Variants in MRPL14 observed in about 807,000 individuals in gnomAD.
MRPL14 encodes the protein mitochondrial ribosomal protein L14, also known as large ribosomal subunit protein uL14m.
In MRPL14, 8 loss-of-function variants were observed where a neutral mutation model predicts 10.9. That is an observed-to-expected ratio of 0.74 (90% CI 0.43 to 1.33). The LOEUF (loss-of-function observed/expected upper bound fraction) is 1.33, where lower values mean the gene tolerates loss of function less well. MRPL14 is among the 40% of genes most tolerant of loss of function. The pLI, the probability that MRPL14 is intolerant of heterozygous loss-of-function variation, is 0.01. For synonymous variants in MRPL14, 82 were observed against 74.1 expected, an observed-to-expected ratio of 1.11 and a Z score of -0.54; for missense variants, 179 against 194.5, an observed-to-expected ratio of 0.92 and a Z score of 0.47.
At chr6:44,116,755 CTTAGTGGTTAAAGGATACACAGAT>C (rs1775889591) in intron 1 of MRPL14, 126 bp from the exon 2 acceptor site, 1 of 664,052 alleles carries the variant, frequency 1.5e-6, no homozygotes, top group African/African-American at 1.8e-5. Flanking sequence ...AAATATAAAT[CTTAGTGGTTAAAGGATACACAGAT>C]GATTAGACAG....
At position 44,113,823 on chromosome 6, in the gene MRPL14, A is replaced by C. The variant is rs771566155; in HGVS notation, c.*20T>G. 2.6e-6 allele frequency: 4 copies of C among 1,531,596 alleles called. No homozygotes were observed. Among genetic ancestry groups the C allele is most frequent in the Non-Finnish European group, 3.5e-6 (4 of 1,137,546 alleles). 94.9% of individuals were successfully genotyped at this position (1,531,596 alleles called of 1,614,324 possible). A position where few individuals can be genotyped will look rare whatever the true frequency, so the allele number is the denominator to read the frequency against. The stretch of plus-strand genomic sequence containing the variant: ...AACTGCTCCATTCACGAGTCCTGCA[A>C]CCAGAGGCCTGGGCTCAACTCACAC... On this transcript the variant is annotated 3_prime_UTR_variant, in exon 3 of 3. Coordinates refer to ENST00000372014, the MANE Select transcript of MRPL14 (RefSeq NM_032111.4).
chr6:44,118,879 G>A (rs943924556), intron 1 of MRPL14, among the ~76,000 whole-genome samples: 2 of 152,106 alleles, frequency 1.3e-5, no homozygotes, highest in Non-Finnish European at 2.9e-5. Flanking sequence ...CAGGAGAATC[G>A]CTTGAATCCA....
In MRPL14 at chr6:44,116,628, T is replaced by C. The variant is rs1228280400; in HGVS notation, c.-17A>G. 2.5e-6 allele frequency: 4 copies of C among 1,612,798 alleles called. No homozygotes were observed. Among genetic ancestry groups the C allele is most frequent in the Non-Finnish European group, 3.4e-6 (4 of 1,179,084 alleles). ...GAAAGCCATGGGATCCCAAGATAGA[T>C]CCTGCAGGAAAAACGAGAGGGGGAA... On this transcript the variant is annotated splice_region_variant and 5_prime_UTR_variant, in exon 2 of 3. Coordinates refer to ENST00000372014, the MANE Select transcript of MRPL14 (RefSeq NM_032111.4).
At position 44,116,643 on chromosome 6, in the gene MRPL14, G is replaced by A. The variant is rs201702598; in HGVS notation, c.-18-14C>T. The stretch of plus-strand genomic sequence containing the variant: ...CCAAGATAGATCCTGCAGGAAAAAC[G>A]AGAGGGGGAAAAATTGGTTTCTAAG... On this transcript the variant is annotated splice_polypyrimidine_tract_variant and intron_variant, in intron 1 of 2. Coordinates refer to ENST00000372014, the MANE Select transcript of MRPL14 (RefSeq NM_032111.4). 175 of 1,602,030 alleles carry A rather than the reference G, an allele frequency of 1.1e-4. No homozygotes were observed. The highest frequency in any genetic ancestry group is 2.5e-4 in the Admixed American group (15 of 59,654).
chr6:44,120,584 T>C (rs1313856162), intron 1 of MRPL14, among the ~76,000 whole-genome samples: 1 of 152,200 alleles, frequency 6.6e-6, no homozygotes, highest in Non-Finnish European at 1.5e-5. Context: ...TGGCCAGCAG[T>C]TAGCATTCCT....
intron 2 of MRPL14, 92 bp downstream of exon 2, chr6:44,116,449 G>C (rs949780635): frequency 4.9e-5 from 65 of 1,327,696 alleles, no homozygotes; most frequent in Non-Finnish European, 6.1e-5. Context: ...ACCTCCCTGA[G>C]TTTTTACTCC....
chr6:44,123,881 T>G (rs189247774), intron 1 of MRPL14, among the ~76,000 whole-genome samples: 1,972 of 152,198 alleles, frequency 0.013, 21 homozygotes, highest in Middle Eastern at 0.048. Flanking sequence ...AAAAAAAAAG[T>G]AAGCAGTAGT....
Sources: allele counts gnomAD v4.1 joint callset (sites outside exome capture counted in the v4.1 genomes callset), GRCh38; gene constraint gnomAD v4.1.1; transcripts MANE v1.5; gene names NCBI Gene and HGNC (gene_info 2026-07-23, HGNC 2026-07-21).